The following ARID4B variants were observed in gnomAD, a reference collection of about 807,000 sequenced individuals.
ARID4B encodes the protein AT-rich interaction domain 4B, also known as AT-rich interactive domain-containing protein 4B.
ARID4B carries 26 observed loss-of-function variants against 147.5 expected under a neutral mutation model. The observed-to-expected ratio is 0.18, with a 90% CI of 0.13 to 0.24. The LOEUF (loss-of-function observed/expected upper bound fraction) is 0.24, where lower values mean the gene tolerates loss of function less well. Ranked by LOEUF, ARID4B falls within the 10% of genes least tolerant of loss-of-function variation. The pLI is 1.00. For missense variants in ARID4B, 1,179 were observed against 1,511.5 expected (o/e 0.78, Z 3.65); for synonymous variants, 512 against 507.9 (o/e 1.01, Z -0.11).
chr1:235,242,365 C>A (rs867795966), intron 7 of ARID4B, among the ~76,000 whole-genome samples: 8 of 152,108 alleles, frequency 5.3e-5, no homozygotes, highest in African/African-American at 1.4e-4. Flanking sequence ...GAGAATAAGA[C>A]CCTACACATA....
intron 6 of ARID4B, among the ~76,000 whole-genome samples, chr1:235,249,497 G>A (rs1669504753): frequency 6.6e-6 from 1 of 151,320 alleles, no homozygotes; most frequent in South Asian, 2.1e-4. Context: ...TTCAGTGTTG[G>A]AATTTAAACT....
chr1:235,199,779 CAT>C (rs1187752220), intron 17 of ARID4B, among the ~76,000 whole-genome samples: 1 of 152,154 alleles, frequency 6.6e-6, no homozygotes, highest in Non-Finnish European at 1.5e-5. Context: ...CTGACACAAA[CAT>C]ATTGGCAGAC....
intron 3 of ARID4B, among the ~76,000 whole-genome samples, chr1:235,259,046 T>A (rs955974850): frequency 6.6e-6 from 1 of 152,260 alleles, no homozygotes; most frequent in African/African-American, 2.4e-5. Flanking sequence ...TTCTTTTTCC[T>A]TGTGTATGTG....
chr1:235,244,864 T>C (rs560520133), intron 7 of ARID4B, among the ~76,000 whole-genome samples: 1 of 152,242 alleles, frequency 6.6e-6, no homozygotes, highest in South Asian at 2.1e-4. Context: ...AGAAAATCAC[T>C]TTGAAGAAAG....
intron 2 of ARID4B, among the ~76,000 whole-genome samples, chr1:235,290,473 T>C (rs1340590967): frequency 6.6e-6 from 1 of 151,400 alleles, no homozygotes; most frequent in East Asian, 1.9e-4. Context: ...TCAGTAACCC[T>C]ACTCTTAGGA....
At chr1:235,216,878 C>T (rs1390191715) in intron 16 of ARID4B, among the ~76,000 whole-genome samples, 1 of 151,398 alleles carries the variant, frequency 6.6e-6, no homozygotes, top group Non-Finnish European at 1.5e-5. Context: ...TTTATTGTGG[C>T]CACAATAAAA....
chr1:235,251,521 TAA>T (rs900986608), intron 6 of ARID4B, among the ~76,000 whole-genome samples: 3 of 152,082 alleles, frequency 2.0e-5, no homozygotes, highest in African/African-American at 7.2e-5. Flanking sequence ...ATTCAATCAT[TAA>T]GAGAAGCAAA....
chr1:235,223,302 TTTTAA>T, intron 12 of ARID4B, 42 bp from the exon 13 acceptor site: 1 of 1,077,184 alleles, frequency 9.3e-7, no homozygotes, highest in Non-Finnish European at 1.3e-6. Flanking sequence ...CACACTACAT[TTTTAA>T]TTTAAAATTT....
chr1:235,244,293 T>C (rs1361935504), intron 7 of ARID4B, among the ~76,000 whole-genome samples: 2 of 152,164 alleles, frequency 1.3e-5, no homozygotes, highest in Admixed American at 1.3e-4. Flanking sequence ...ATTGTAGCAG[T>C]TGCACATAAA....
chr1:235,324,452 A>C (rs1350398433), intron 2 of ARID4B, among the ~76,000 whole-genome samples: 3 of 152,228 alleles, frequency 2.0e-5, no homozygotes, highest in Admixed American at 2.0e-4. Flanking sequence ...CTTTAAAACA[A>C]CACCTAAAAA....
At chr1:235,224,853 A>G (rs968282652) in intron 11 of ARID4B, 78 bp from the exon 12 acceptor site, 39 of 959,808 alleles carry the variant, frequency 4.1e-5, no homozygotes, top group African/African-American at 3.7e-4. Context: ...TACCAATAGC[A>G]AAGACTAGTG....
At chr1:235,177,287 T>A (rs1025493981) in intron 21 of ARID4B, among the ~76,000 whole-genome samples, 1 of 152,244 alleles carries the variant, frequency 6.6e-6, no homozygotes, top group South Asian at 2.1e-4. Flanking sequence ...AACTGTGGAA[T>A]ACAAAGGTAA....
intron 16 of ARID4B, among the ~76,000 whole-genome samples, chr1:235,218,044 T>C (rs575238600): frequency 1.6e-4 from 25 of 152,202 alleles, no homozygotes; most frequent in Non-Finnish European, 2.9e-4. Flanking sequence ...ATAACAGTTA[T>C]GTGAATATGG....
At chr1:235,238,689 T>C (rs1261612922) in intron 8 of ARID4B, among the ~76,000 whole-genome samples, 1 of 152,022 alleles carries the variant, frequency 6.6e-6, no homozygotes, top group Non-Finnish European at 1.5e-5. Context: ...GACCTCGTAT[T>C]TACAAAGTAT....
intron 2 of ARID4B, among the ~76,000 whole-genome samples, chr1:235,325,574 C>T (rs562875373): frequency 1.3e-5 from 2 of 152,274 alleles, no homozygotes; most frequent in East Asian, 1.9e-4. Context: ...CAAACCAAAA[C>T]TTTTCTTAAG....
intron 11 of ARID4B, among the ~76,000 whole-genome samples, chr1:235,227,740 G>T (rs1410749926): frequency 1.3e-5 from 2 of 151,288 alleles, no homozygotes; most frequent in African/African-American, 2.4e-5. Flanking sequence ...GCTTATTTAT[G>T]ATCTAATCAG....
chr1:235,196,002 A>G (rs752876465), intron 18 of ARID4B, 29 bp downstream of exon 18: 6 of 1,363,544 alleles, frequency 4.4e-6, no homozygotes, highest in Non-Finnish European at 6.2e-6. Context: ...TTTAAGAGCT[A>G]ATAGTGTGTA....
chr1:235,206,978 A>G (rs1666345840), intron 17 of ARID4B, among the ~76,000 whole-genome samples: 1 of 152,242 alleles, frequency 6.6e-6, no homozygotes, highest in Admixed American at 6.5e-5. Context: ...AATGACTCAG[A>G]ACAGAGCAAG....
chr1:235,182,063 T>C lies in ARID4B; in HGVS notation c.2856A>G (p.Ala952=). The change falls in exon 20 of 24, where the codon GCA becomes GCG. Residue 952 remains alanine (A), a synonymous_variant. Transcript: ENST00000264183. ...CTGGGGCAGGATGCGGTGGGGAAGC[T>C]GCAGCCTCAGTATCAGAGTCTGAAA... ...ELFSDSDTEA[A]ASPPHPAPEE... 6.2e-7 allele frequency: 1 copy of C among 1,614,184 alleles called. No individual in the cohort carries two copies. Among genetic ancestry groups the C allele is most frequent in the Non-Finnish European group, 8.5e-7 (1 of 1,180,028 alleles).
Sources: gnomAD v4.1 joint callset for allele counts (sites outside exome capture counted in the v4.1 genomes callset) on GRCh38, gnomAD v4.1.1 for gene constraint, MANE v1.5 for transcripts, NCBI Gene and HGNC (gene_info 2026-07-23, HGNC 2026-07-21) for gene names.